NARF: variants seen among roughly 807,000 people sequenced by gnomAD.
NARF encodes the protein iron-only hydrogenase-like protein 2.
Under a neutral mutation model 48.0 loss-of-function variants are expected in NARF, and 41 were observed. The observed-to-expected ratio is 0.85, with a 90% CI of 0.66 to 1.11. The LOEUF (loss-of-function observed/expected upper bound fraction) is 1.11, where lower values mean the gene tolerates loss of function less well. NARF is among the 50% of genes least tolerant of loss of function. The probability of loss-of-function intolerance (pLI) is 0.00; values close to 1 mark genes in which losing one functional copy is unlikely to be tolerated. For synonymous variants in NARF, 215 were observed against 225.5 expected (o/e 0.95, Z 0.42); for missense variants, 613 against 590.2 (o/e 1.04, Z -0.40).
intron 4 of NARF, among the ~76,000 whole-genome samples, chr17:82,470,217 A>G (rs1197804881): frequency 6.6e-6 from 1 of 152,152 alleles, no homozygotes; most frequent in Non-Finnish European, 1.5e-5. Context: ...GGCTCTAACA[A>G]GACCTGGTCA....
At chr17:82,485,218 G>A (rs927011035) in intron 9 of NARF, among the ~76,000 whole-genome samples, 12 of 152,092 alleles carry the variant, frequency 7.9e-5, no homozygotes, top group Non-Finnish European at 1.3e-4. Context: ...TCAGGAGATC[G>A]AGACCATCCT....
rs1439882932 is a variant in NARF at position 82,458,944 on chromosome 17, GC to G, written c.27+119del. ...CGCTCGCTTCAGGGCTCTTCAAGGCGCCCCCGGCCTCGGCACCCTGGGCCCG... is the reference window on the plus strand; with the variant it reads ...CGCTCGCTTCAGGGCTCTTCAAGGCGCCCCGGCCTCGGCACCCTGGGCCCG... On this transcript the variant is annotated intron_variant, in intron 1 of 10. Coordinates refer to ENST00000309794, the MANE Select transcript of NARF (RefSeq NM_012336.4). 5.7e-6 allele frequency: 7 copies of G among 1,228,066 alleles called. No individual in the cohort carries two copies. The African/African-American group carries it at 6.2e-5, about 11-fold the overall frequency. The allele number at this position is 1,228,066 out of a possible 1,614,324, so 76.1% of individuals were successfully genotyped here. A position where few individuals can be genotyped will look rare whatever the true frequency, so the allele number is the denominator to read the frequency against.
At position 82,468,756 on chromosome 17, in the gene NARF, CCTT is replaced by C. The variant is rs777320714; in HGVS notation, c.253-5_253-3del. The stretch of plus-strand genomic sequence containing the variant: ...CAGATACCTAACATTCTCTATTTCT[CCTT>C]CTAGAAATGTGATACCTCAAAGCAC... On this transcript the variant is annotated splice_polypyrimidine_tract_variant and splice_region_variant and intron_variant, in intron 3 of 10. Transcript: ENST00000309794. 1.3e-5 allele frequency: 21 copies of C among 1,613,054 alleles called. No homozygotes were observed. Among genetic ancestry groups the C allele is most frequent in the Admixed American group, 3.3e-5 (2 of 59,878 alleles).
intron 7 of NARF, 39 bp downstream of exon 7, chr17:82,481,250 A>G: frequency 6.2e-7 from 1 of 1,610,302 alleles, no homozygotes; most frequent in South Asian, 1.1e-5. Context: ...CGCTGGGGTA[A>G]TCTCCTACTG....
Position 82,466,204 on chromosome 17 carries a change from T to C in NARF, c.252+1774T>C, listed in dbSNP as rs184345086. On this transcript the variant is annotated intron_variant, in intron 3 of 10. Transcript: ENST00000309794. ...GCAAAAACCCTTGAAAGTGTCTGTG[T>C]CACTTTATGCTTCCCTAAGTGATAG... Among the ~76,000 whole-genome samples, 31 of 152,310 alleles carry C rather than the reference T, an allele frequency of 2.0e-4. 1 individual carries two copies. Among genetic ancestry groups the C allele is most frequent in the African/African-American group, 7.2e-4 (30 of 41,576 alleles).
rs1229448463 is a variant in NARF, at chr17:82,490,366, C to G, written c.*2209C>G. On this transcript the variant is annotated 3_prime_UTR_variant, in exon 11 of 11. Transcript: ENST00000309794. ...CTCGCTAGGCTGCCTTCATCTCACT[C>G]TGTGTGCTGTGCCTGTGCACCTGTC... 6.6e-6 allele frequency: 1 copy of G among 152,364 alleles called. No individual in the cohort carries two copies. The highest frequency in any genetic ancestry group is 2.1e-4 in the South Asian group (1 of 4,836). 9.4% of individuals were successfully genotyped at this position (152,364 alleles called of 1,614,324 possible).
chr17:82,483,393 T>A, intron 7 of NARF: 1 of 329,022 alleles, frequency 3.0e-6, no homozygotes, highest in Non-Finnish European at 5.9e-6. Context: ...AAAAGTTTTC[T>A]GTTTGTTTCA....
intron 6 of NARF, chr17:82,480,068 C>T (rs935296039): frequency 1.2e-5 from 2 of 173,770 alleles, no homozygotes; most frequent in Non-Finnish European, 2.4e-5. Flanking sequence ...ACAGCTGCAA[C>T]CAGGGGCGGG....
chr17:82,470,246 G>A (rs1173601943), intron 4 of NARF, among the ~76,000 whole-genome samples: 1 of 152,114 alleles, frequency 6.6e-6, no homozygotes. Flanking sequence ...ATAATGTGCT[G>A]CAGCTGAAAC....
At chr17:82,458,911 C>T (rs2043356074) in intron 1 of NARF, 81 bp downstream of exon 1, 2 of 1,286,098 alleles carry the variant, frequency 1.6e-6, no homozygotes, top group South Asian at 4.9e-5. Context: ...CGGTCCGGGC[C>T]CGCCGCTCGC....
chr17:82,476,253 C>T (rs1246682955), intron 5 of NARF, among the ~76,000 whole-genome samples: 4 of 152,024 alleles, frequency 2.6e-5, no homozygotes, highest in South Asian at 4.2e-4. Flanking sequence ...GGTGATCGCC[C>T]GCCTCAGTCT....
Position 82,468,744 on chromosome 17 carries a change from T to G in NARF, c.253-20T>G, listed in dbSNP as rs772376171. The stretch of plus-strand genomic sequence containing the variant: ...TTGTGTAATCAGCAGATACCTAACA[T>G]TCTCTATTTCTCCTTCTAGAAATGT... On this transcript the variant is annotated intron_variant, in intron 3 of 10. Transcript: ENST00000309794. The G allele has an allele frequency of 1.2e-6, 2 of 1,612,312 alleles. No individual in the cohort carries two copies. The highest frequency in any genetic ancestry group is 1.3e-5 in the African/African-American group (1 of 74,924).
intron 6 of NARF, 75 bp from the exon 7 acceptor site, chr17:82,481,007 T>C: frequency 6.3e-7 from 1 of 1,578,944 alleles, no homozygotes; most frequent in Non-Finnish European, 8.6e-7. Context: ...CTCCCATCCC[T>C]CTTGTTCTGG....
At chr17:82,470,079 C>T (rs1424448678) in intron 4 of NARF, among the ~76,000 whole-genome samples, 1 of 152,126 alleles carries the variant, frequency 6.6e-6, no homozygotes, top group African/African-American at 2.4e-5. Context: ...TAAATAAGTA[C>T]ATAAATGTAG....
intron 7 of NARF, chr17:82,483,288 C>T (rs1306427555): frequency 1.1e-5 from 4 of 355,664 alleles, no homozygotes; most frequent in East Asian, 9.8e-5. Flanking sequence ...CACTGGACTC[C>T]AGCCTGGGCG....
rs1003092328 is a variant in NARF at position 82,478,719 on chromosome 17, C to T, written c.521-81C>T. 181 of 1,387,336 alleles carry T rather than the reference C, an allele frequency of 1.3e-4. 1 individual carries two copies. The highest frequency in any genetic ancestry group is 1.5e-4 in the Non-Finnish European group (142 of 977,282). The allele number at this position is 1,387,336 out of a possible 1,614,324, so 85.9% of individuals were successfully genotyped here. A position where few individuals can be genotyped will look rare whatever the true frequency, so the allele number is the denominator to read the frequency against. Reference sequence around the variant, plus strand: ...GCTTCACCCTGGGGCGGCAGGGACTCGAGCTCAGCATTCCCTGGTGCGTTA... The same window carrying T: ...GCTTCACCCTGGGGCGGCAGGGACTTGAGCTCAGCATTCCCTGGTGCGTTA... On this transcript the variant is annotated intron_variant, in intron 5 of 10. Transcript: ENST00000309794.
At chr17:82,461,978 G>A (rs1441253055) in intron 2 of NARF, among the ~76,000 whole-genome samples, 1 of 152,162 alleles carries the variant, frequency 6.6e-6, no homozygotes, top group African/African-American at 2.4e-5. Context: ...AGGCAGCTGG[G>A]GCCAGTGCGC....
rs556407470 is a variant in NARF at position 82,489,895 on chromosome 17, T to A, written c.*1738T>A. The A allele has an allele frequency of 3.9e-5, 6 of 152,272 alleles. No individual in the cohort carries two copies. The highest frequency in any genetic ancestry group is 1.4e-4 in the African/African-American group (6 of 41,536). 9.4% of individuals were successfully genotyped at this position (152,272 alleles called of 1,614,324 possible). On this transcript the variant is annotated 3_prime_UTR_variant, in exon 11 of 11. Transcript: ENST00000309794. ...CAGGCTGGAGTTCAGTGGCGTGATC[T>A]CGGCTCACAGCAACCTCCGCCTCCT...
chr17:82,484,770 C>T (rs564748721), intron 8 of NARF, 43 bp from the exon 9 acceptor site: 34 of 1,543,700 alleles, frequency 2.2e-5, no homozygotes, highest in Middle Eastern at 1.7e-4. Context: ...TGTCACTGTA[C>T]GTCAGCATTC....
Sources: allele counts gnomAD v4.1 joint callset (sites outside exome capture counted in the v4.1 genomes callset), GRCh38; gene constraint gnomAD v4.1.1; transcripts MANE v1.5; gene names NCBI Gene and HGNC (gene_info 2026-07-23, HGNC 2026-07-21).